The following GALNT17 variants were observed in gnomAD, a reference collection of about 807,000 sequenced individuals.
GALNT17 encodes the protein UDP-GalNAc:polypeptide N-acetylgalactosaminyltransferase-like 3.
A neutral mutation model predicts 63.7 loss-of-function variants in GALNT17; 29 were observed. The ratio of observed to expected loss-of-function variants is 0.46; its 90% CI spans 0.34 to 0.62. GALNT17 has a LOEUF of 0.62. Ranked by LOEUF, GALNT17 falls within the 20% of genes least tolerant of loss-of-function variation. GALNT17 has a pLI of 0.01. For synonymous variants in GALNT17, 305 were observed against 318.3 expected (o/e 0.96, Z 0.45); for missense variants, 603 against 799.6 (o/e 0.75, Z 2.97).
At chr7:71,391,389 G>A (rs1793048251) in intron 3 of GALNT17, among the ~76,000 whole-genome samples, 1 of 152,192 alleles carries the variant, frequency 6.6e-6, no homozygotes, top group African/African-American at 2.4e-5. Flanking sequence ...CTCCAGTACA[G>A]GGTTAGACAC....
intron 5 of GALNT17, among the ~76,000 whole-genome samples, chr7:71,470,655 G>A (rs1001324110): frequency 2.6e-5 from 4 of 152,084 alleles, no homozygotes; most frequent in Middle Eastern, 3.2e-3. Context: ...ACCAGAGAAC[G>A]TGCTTAATTC....
intron 1 of GALNT17, among the ~76,000 whole-genome samples, chr7:71,231,720 G>C (rs80346708): frequency 0.036 from 5,483 of 150,968 alleles, 149 homozygotes; most frequent in East Asian, 0.15. Flanking sequence ...AGAGGGGAGT[G>C]GGGGAGGGAG....
chr7:71,377,113 AAAT>A lies in GALNT17; in HGVS notation c.423-11120_423-11118del, dbSNP rs1563047613. On this transcript the variant is annotated intron_variant, in intron 2 of 10. Transcript: ENST00000333538. Reference sequence around the variant, plus strand: ...AAAAAAAAAAAAATAAAAATAAAAAAAATATATATATATATATATATATATATA... The same window carrying A: ...AAAAAAAAAAAAATAAAAATAAAAAAATATATATATATATATATATATATA... Among the ~76,000 whole-genome samples the A allele has an allele frequency of 4.3e-4, 35 of 82,042 alleles. 2 individuals are homozygous for A. Among genetic ancestry groups the A allele is most frequent in the African/African-American group, 1.6e-3 (29 of 18,346 alleles). 53.8% of individuals were successfully genotyped at this position (82,042 alleles called of 152,430 possible).
chr7:71,337,520 C>T lies in GALNT17; in HGVS notation c.422+1787C>T, dbSNP rs532194990. ...GTACTAGCATGTAAAAAATGCCAAACTGATAGGTTATTGTTTCAACTTACA... is the reference window on the plus strand; with the variant it reads ...GTACTAGCATGTAAAAAATGCCAAATTGATAGGTTATTGTTTCAACTTACA... On this transcript the variant is annotated intron_variant, in intron 2 of 10. Transcript: ENST00000333538. Among the ~76,000 whole-genome samples, 4 of 152,240 alleles carry T rather than the reference C, an allele frequency of 2.6e-5. No individual in the cohort carries two copies. In the East Asian group the frequency reaches 7.7e-4, roughly 29 times the overall value.
chr7:71,335,804 A>G, intron 2 of GALNT17, 71 bp downstream of exon 2: 2 of 1,281,414 alleles, frequency 1.6e-6, no homozygotes, highest in Non-Finnish European at 2.0e-6. Flanking sequence ...TACGTTTGTG[A>G]TATTTTCCAC....
chr7:71,623,099 T>C (rs1790320405), intron 6 of GALNT17, among the ~76,000 whole-genome samples: 1 of 152,140 alleles, frequency 6.6e-6, no homozygotes, highest in Non-Finnish European at 1.5e-5. Context: ...GACTATGAGC[T>C]CCTAAGTTCC....
At position 71,666,468 on chromosome 7, in the gene GALNT17, T is replaced by C. The variant is rs557952547; in HGVS notation, c.1266+872T>C. Among the ~76,000 whole-genome samples, 10 of 152,062 alleles carry C rather than the reference T, an allele frequency of 6.6e-5. No homozygotes were observed. In the East Asian group the frequency reaches 1.9e-3, roughly 29 times the overall value. On this transcript the variant is annotated intron_variant, in intron 7 of 10. Coordinates refer to ENST00000333538, the MANE Select transcript of GALNT17 (RefSeq NM_022479.3). ...GTATTTGGTTACATGAGTAAGTTCT[T>C]TAGTGGTGATTTGTAAGATCCTGGT...
At chr7:71,558,053 C>T (rs1789193883) in intron 5 of GALNT17, among the ~76,000 whole-genome samples, 1 of 152,004 alleles carries the variant, frequency 6.6e-6, no homozygotes, top group Admixed American at 6.6e-5. Context: ...CAGCCTGGGC[C>T]ACAGAGCGAG....
chr7:71,465,459 C>T (rs997196954), intron 5 of GALNT17, among the ~76,000 whole-genome samples: 3 of 152,164 alleles, frequency 2.0e-5, no homozygotes, highest in East Asian at 1.9e-4. Context: ...TTTATGATAA[C>T]TTTATTCAAC....
At chr7:71,326,325 G>T (rs1791704062) in intron 1 of GALNT17, among the ~76,000 whole-genome samples, 1 of 152,122 alleles carries the variant, frequency 6.6e-6, no homozygotes, top group African/African-American at 2.4e-5. Flanking sequence ...ATGCAGGATG[G>T]TGCATGACTG....
At chr7:71,677,962 G>A (rs1791178741) in intron 9 of GALNT17, among the ~76,000 whole-genome samples, 1 of 152,014 alleles carries the variant, frequency 6.6e-6, no homozygotes, top group South Asian at 2.1e-4. Context: ...TGCCAGACAG[G>A]TTACTGTTCA....
chr7:71,405,747 A>G (rs1314687463), intron 3 of GALNT17, among the ~76,000 whole-genome samples: 1 of 152,076 alleles, frequency 6.6e-6, no homozygotes, highest in African/African-American at 2.4e-5. Context: ...CCTCTTTTGT[A>G]AGGACACTCA....
At chr7:71,452,978 C>T (rs879118723) in intron 5 of GALNT17, among the ~76,000 whole-genome samples, 2 of 152,112 alleles carry the variant, frequency 1.3e-5, no homozygotes, top group African/African-American at 2.4e-5. Context: ...CTGTGTTGCT[C>T]TTATTATTCT....
intron 2 of GALNT17, among the ~76,000 whole-genome samples, chr7:71,339,689 C>CAA (rs34875384): frequency 2.4e-5 from 3 of 127,096 alleles, no homozygotes; most frequent in Non-Finnish European, 5.1e-5. Context: ...GACTCTGTCT[C>CAA]AAAAAAAAAA....
At chr7:71,227,321 G>A (rs1000582788) in intron 1 of GALNT17, among the ~76,000 whole-genome samples, 19 of 151,456 alleles carry the variant, frequency 1.3e-4, no homozygotes, top group South Asian at 1.0e-3. Flanking sequence ...CCATGATTGC[G>A]CAATTGTACT....
intron 1 of GALNT17, among the ~76,000 whole-genome samples, chr7:71,211,532 C>A (rs1789377931): frequency 1.3e-5 from 2 of 151,952 alleles, no homozygotes; most frequent in South Asian, 4.2e-4. Context: ...GAAAAGATAC[C>A]CAAAAATGTG....
chr7:71,217,943 C>G (rs1386396388), intron 1 of GALNT17, among the ~76,000 whole-genome samples: 1 of 145,676 alleles, frequency 6.9e-6, no homozygotes, highest in Non-Finnish European at 1.5e-5. Flanking sequence ...AAAAAAAATT[C>G]AATAATAGGG....
intron 1 of GALNT17, among the ~76,000 whole-genome samples, chr7:71,160,755 G>T (rs777955768): frequency 6.6e-6 from 1 of 152,160 alleles, no homozygotes; most frequent in African/African-American, 2.4e-5. Flanking sequence ...CACCGCGCAC[G>T]GCCACGAACA....
In GALNT17 at chr7:71,665,552, G is replaced by A. The variant is rs761319548; in HGVS notation, c.1222G>A (p.Asp408Asn). 9 of 1,614,000 alleles carry A rather than the reference G, an allele frequency of 5.6e-6. No individual in the cohort carries two copies. The highest frequency in any genetic ancestry group is 4.4e-5 in the South Asian group (4 of 91,060). Residue 408 changes from aspartate (D) to asparagine (N), a missense_variant, in exon 7 of 11, where the codon GAT (aspartate) becomes AAT (asparagine). Asp to Asn is a conservative substitution (Grantham distance 23). Coordinates refer to ENST00000333538, the MANE Select transcript of GALNT17 (RefSeq NM_022479.3). ...TCGCGTTGCTGAGGTCTGGATGGAC[G>A]ATTACAAGTCTCATGTGTACATAGC... ...ALRVAEVWMD[D>N]YKSHVYIAWN...
Sources: allele counts gnomAD v4.1 joint callset (sites outside exome capture counted in the v4.1 genomes callset), GRCh38; gene constraint gnomAD v4.1.1; transcripts MANE v1.5; gene names NCBI Gene and HGNC (gene_info 2026-07-23, HGNC 2026-07-21).